IGSF1: variants seen among roughly 807,000 people sequenced by gnomAD.
IGSF1 encodes immunoglobulin-like domain-containing protein 1.
In IGSF1, 40 loss-of-function variants were observed where a neutral mutation model predicts 95.3. That is an observed-to-expected ratio of 0.42 (90% confidence interval 0.33 to 0.55). The LOEUF is 0.55. Among genes scored for constraint, IGSF1 ranks in the 20% least tolerant of loss-of-function variants. The pLI is 0.10. For missense variants in IGSF1, 906 were observed against 1,025.4 expected, an observed-to-expected ratio of 0.88 and a Z score of 1.59; for synonymous variants, 372 against 382.9, an observed-to-expected ratio of 0.97 and a Z score of 0.33.
At chrX:131,284,820 A>G (rs2080609870) in intron 5 of IGSF1, 5 of 891,792 alleles carry the variant, frequency 5.6e-6, no homozygotes, top group Non-Finnish European at 6.9e-6. Context: ...TTAAAACTCC[A>G]TTTATAAGAT....
intron 1 of IGSF1, among the ~76,000 whole-genome samples, chrX:131,287,190 TAG>T (rs1273171002): frequency 0.015 from 1,539 of 99,927 alleles, 26 homozygotes; most frequent in African/African-American, 0.037. Context: ...TATATATATA[TAG>T]AGAGAGAGAG....
Position 131,283,463 on chromosome X carries a change from G to T in IGSF1, c.668-199C>A, listed in dbSNP as rs768829049. On this transcript the variant is annotated intron_variant, in intron 5 of 19. Coordinates refer to ENST00000361420, the MANE Select transcript of IGSF1 (RefSeq NM_001555.5). ...TGCCCCTGTTCTCTCTCAAGAATCTGCCAGCTTCACTGAGCTCTAACCATG... is the reference window on the plus strand; with the variant it reads ...TGCCCCTGTTCTCTCTCAAGAATCTTCCAGCTTCACTGAGCTCTAACCATG... 2.0e-3 allele frequency among the ~76,000 whole-genome samples: 229 copies of T among 111,921 alleles called. 1 individual carries two copies. Among genetic ancestry groups the T allele is most frequent in the African/African-American group, 7.2e-3 (220 of 30,769 alleles).
At position 131,283,149 on chromosome X, in the gene IGSF1, C is replaced by A. The variant is rs751892734; in HGVS notation, c.783G>T (p.Arg261Ser). ...AAAAGGACTTCTCCAAGTCTTCAACCCTCATTAGAGCAAAGGTCATTCCAT... is the reference window on the plus strand; with the variant it reads ...AAAAGGACTTCTCCAAGTCTTCAACACTCATTAGAGCAAAGGTCATTCCAT... ...PIYGMTFALM[R>S]VEDLEKSFYH... The change falls in exon 6 of 20, where the codon AGG (arginine) becomes AGT (serine). Residue 261 changes from arginine (R) to serine (S), a missense_variant. Physicochemically the swap from Arg to Ser is moderately radical, Grantham distance 110. Around this residue, in one of 5 missense-constraint regions of IGSF1, gnomAD observed 442 missense variants for 448.1 expected, o/e 0.99. Transcript: ENST00000361420. 1 of 1,210,715 alleles carries A rather than the reference C, an allele frequency of 8.3e-7. No homozygotes were observed. The highest frequency in any genetic ancestry group is 1.8e-5 in the South Asian group (1 of 56,955).
intron 5 of IGSF1, chrX:131,284,252 G>T: frequency 4.3e-6 from 1 of 231,532 alleles, no homozygotes; most frequent in Non-Finnish European, 6.2e-6. Context: ...CTGTGAGGTA[G>T]GCATTATTAT....
Position 131,286,060 on chromosome X carries a change from A to G in IGSF1, c.98-12T>C. The G allele has an allele frequency of 2.6e-6, 3 of 1,171,235 alleles. No individual in the cohort carries two copies. In the Admixed American group the frequency reaches 6.9e-5, roughly 27 times the overall value. On this transcript the variant is annotated splice_polypyrimidine_tract_variant and intron_variant, in intron 3 of 19. Coordinates refer to ENST00000361420, the MANE Select transcript of IGSF1 (RefSeq NM_001555.5). ...TTGAGGGTCCATCACTGTTATTCCC[A>G]AAGATCAAAAAGATATGAGCAGTCC...
intron 5 of IGSF1, 111 bp from the exon 6 acceptor site, chrX:131,283,375 T>C: frequency 1.6e-6 from 1 of 618,415 alleles, no homozygotes; most frequent in Non-Finnish European, 2.5e-6. Context: ...AAGTTTACCT[T>C]CTCTTCCCTA....
At chrX:131,288,204 C>T (rs933273416) in intron 1 of IGSF1, among the ~76,000 whole-genome samples, 2 of 112,422 alleles carry the variant, frequency 1.8e-5, no homozygotes, top group Admixed American at 1.9e-4. Context: ...GGAGTAATAT[C>T]GACCTAACAT....
rs764061529 is a variant in IGSF1 at position 131,282,571 on chromosome X, G to A, written c.1119C>T (p.Asp373=). The A allele has an allele frequency of 8.3e-7, 1 of 1,210,369 alleles. No homozygotes were observed. The highest frequency in any genetic ancestry group is 2.2e-5 in the Admixed American group (1 of 45,986). The change falls in exon 7 of 20, where the codon GAC becomes GAT. Residue 373 remains aspartate, a synonymous_variant. Transcript: ENST00000361420. ...CATTGTTGAGGAAGAATGATGTGTT[G>A]TCATCGATGCTGGTGGCATCCAAAA... ...LQFLDATSID[D]NTSFFLNNVT...
chrX:131,277,656 A>T (rs2080493614), intron 13 of IGSF1, 200 bp downstream of exon 13: 1 of 423,979 alleles, frequency 2.4e-6, no homozygotes, highest in Non-Finnish European at 4.1e-6. Context: ...AACCAAAGCT[A>T]TTAATAACGA....
chrX:131,284,929 G>T lies in IGSF1; in HGVS notation c.667+250C>A, dbSNP rs1029493594. ...TCAACAAGTTGAGAACAACAAAGCT[G>T]TGATGAGCTGAAGCTGCTGGCCAGT... On this transcript the variant is annotated intron_variant, in intron 5 of 19. Coordinates refer to ENST00000361420, the MANE Select transcript of IGSF1 (RefSeq NM_001555.5). The T allele has an allele frequency of 8.3e-5, 60 of 722,257 alleles. No homozygotes were observed. The African/African-American group carries it at 9.7e-4, about 12-fold the overall frequency. 59.5% of individuals were successfully genotyped at this position (722,257 alleles called of 1,213,427 possible). A position where few individuals can be genotyped will look rare whatever the true frequency, so the allele number is the denominator to read the frequency against.
At chrX:131,284,025 T>C (rs988790704) in intron 5 of IGSF1, 2 of 316,349 alleles carry the variant, frequency 6.3e-6, no homozygotes, top group African/African-American at 2.9e-5. Flanking sequence ...TGGTGGGGGA[T>C]ATTGGTGAAC....
chrX:131,279,467 T>C, intron 9 of IGSF1, 126 bp from the exon 10 acceptor site: 1 of 540,728 alleles, frequency 1.8e-6, no homozygotes, highest in Non-Finnish European at 3.2e-6. Context: ...GCCAAGATAA[T>C]GGGATATAAT....
At chrX:131,274,377 C>T (rs369487626) in intron 18 of IGSF1, among the ~76,000 whole-genome samples, 171 bp from the exon 19 acceptor site, 1 of 111,829 alleles carries the variant, frequency 8.9e-6, no homozygotes, top group East Asian at 2.8e-4. Flanking sequence ...GCAGAAGCAG[C>T]CCTCCTTTCC....
chrX:131,286,012 T>A lies in IGSF1; in HGVS notation c.134A>T (p.Asn45Ile). 1 of 1,208,761 alleles carries A rather than the reference T, an allele frequency of 8.3e-7. No individual in the cohort carries two copies. Among genetic ancestry groups the A allele is most frequent in the Non-Finnish European group, 1.1e-6 (1 of 893,676 alleles). ...GTTCTCCCAAGGGGCCTGGGGGTAG[T>A]TGGACTCTATCCACAACTCTGGTTG... ...DPQPELWIES[N>I]YPQAPWENIT... The change falls in exon 4 of 20, where the codon AAC becomes ATC. Residue 45 changes from asparagine (N) to isoleucine (I), a missense_variant. By Grantham distance (149) the Asn-to-Ile change is moderately radical (BLOSUM62 -3). This residue lies in a region of IGSF1 where 442 missense variants were observed against 448.1 expected (regional missense o/e 0.99). Coordinates refer to ENST00000361420, the MANE Select transcript of IGSF1 (RefSeq NM_001555.5).
At chrX:131,281,405 G>C in intron 8 of IGSF1, 67 bp from the exon 9 acceptor site, 1 of 1,151,715 alleles carries the variant, frequency 8.7e-7, no homozygotes, top group Non-Finnish European at 1.2e-6. Context: ...ACATTCATGG[G>C]GTGAGGACAA....
rs373749181 is a variant in IGSF1 at position 131,274,232 on chromosome X, G to A, written c.3752-26C>T. 1.2e-5 allele frequency: 15 copies of A among 1,207,079 alleles called. No individual in the cohort carries two copies. In the Admixed American group the frequency reaches 1.5e-4, roughly 12 times the overall value. On this transcript the variant is annotated intron_variant, in intron 18 of 19. Coordinates refer to ENST00000361420, the MANE Select transcript of IGSF1 (RefSeq NM_001555.5). Reference sequence around the variant, plus strand: ...CTGTGGTGATGAAAGAGGAGAAACCGAGGCCATGGAGATTAGCGTGTGTAT... The same window carrying A: ...CTGTGGTGATGAAAGAGGAGAAACCAAGGCCATGGAGATTAGCGTGTGTAT...
chrX:131,279,902 CAG>C (rs1470264947), intron 9 of IGSF1, among the ~76,000 whole-genome samples: 1 of 112,058 alleles, frequency 8.9e-6, no homozygotes, highest in Non-Finnish European at 1.9e-5. Context: ...CCAAGCTTTT[CAG>C]AGAGTAGAAA....
rs775509690 is a variant in IGSF1 at position 131,285,423 on chromosome X, G to A, written c.423C>T (p.Pro141=). The A allele has an allele frequency of 1.0e-4, 126 of 1,206,700 alleles. No individual in the cohort carries two copies. Among genetic ancestry groups the A allele is most frequent in the Non-Finnish European group, 1.3e-4 (119 of 892,729 alleles). Residue 141 remains proline (P), a synonymous_variant, in exon 5 of 20, where the codon CCC becomes CCT. Coordinates refer to ENST00000361420, the MANE Select transcript of IGSF1 (RefSeq NM_001555.5). ...TGTTAACATTACACCCAGGAAGAGC[G>A]GGGGTCTCAGCCTGAATCCAGAAGA... ...KPIFWIQAET[P]ALPGCNVNIL... is the part of the protein sequence containing the mutation.
At chrX:131,287,504 C>T (rs909271230) in intron 1 of IGSF1, among the ~76,000 whole-genome samples, 2 of 110,666 alleles carry the variant, frequency 1.8e-5, no homozygotes, top group Non-Finnish European at 3.8e-5. Flanking sequence ...TGTCTCCTAC[C>T]CCTAAAAGCT....
Sources: gnomAD v4.1 joint callset for allele counts (sites outside exome capture counted in the v4.1 genomes callset) on GRCh38, gnomAD v4.1.1 for gene constraint, gnomAD v4.1.1 regional missense constraint, MANE v1.5 for transcripts, NCBI Gene and HGNC (gene_info 2026-07-23, HGNC 2026-07-21) for gene names.